The following TMEM132D variants were observed in gnomAD, a reference collection of about 807,000 sequenced individuals.
TMEM132D encodes mature OL transmembrane protein.
In TMEM132D, 21 loss-of-function variants were observed where a neutral mutation model predicts 62.3. That is an observed-to-expected ratio of 0.34 (90% confidence interval 0.24 to 0.49). The LOEUF is 0.49. Among genes scored for constraint, TMEM132D ranks in the 20% least tolerant of loss-of-function variants. The pLI, the probability that TMEM132D is intolerant of heterozygous loss-of-function variation, is 0.99. For missense variants in TMEM132D, 1,346 were observed against 1,402.8 expected, an observed-to-expected ratio of 0.96 and a Z score of 0.65; for synonymous variants, 621 against 575.6, an observed-to-expected ratio of 1.08 and a Z score of -1.13.
chr12:129,709,072 T>C (rs1881576079), intron 1 of TMEM132D, among the ~76,000 whole-genome samples: 1 of 152,222 alleles, frequency 6.6e-6, no homozygotes, highest in Middle Eastern at 3.2e-3. Context: ...CTCAGAGTGA[T>C]ATATTTTTTC....
chr12:129,760,568 G>T (rs1414706698), intron 1 of TMEM132D, among the ~76,000 whole-genome samples: 1 of 149,818 alleles, frequency 6.7e-6, no homozygotes, highest in African/African-American at 2.4e-5. Flanking sequence ...GGATAGTCTC[G>T]ATCTCCTGAG....
intron 1 of TMEM132D, among the ~76,000 whole-genome samples, chr12:129,702,210 A>G (rs1039832268): frequency 5.3e-5 from 8 of 152,344 alleles, no homozygotes; most frequent in African/African-American, 1.4e-4. Context: ...CTGAGCTTCC[A>G]TATAAACAAC....
intron 1 of TMEM132D, among the ~76,000 whole-genome samples, chr12:129,761,487 C>A (rs1047453886): frequency 1.3e-5 from 2 of 152,192 alleles, no homozygotes; most frequent in Non-Finnish European, 2.9e-5. Flanking sequence ...CCTCCCAGGC[C>A]TCTGAGGGCC....
intron 5 of TMEM132D, among the ~76,000 whole-genome samples, chr12:129,097,348 C>A (rs1177152739): frequency 6.6e-6 from 1 of 152,232 alleles, no homozygotes; most frequent in Non-Finnish European, 1.5e-5. Context: ...CATGACACAG[C>A]TTTTATGACT....
intron 1 of TMEM132D, among the ~76,000 whole-genome samples, chr12:129,763,374 G>A (rs569414727): frequency 8.0e-5 from 12 of 150,930 alleles, no homozygotes; most frequent in South Asian, 2.2e-4. Flanking sequence ...CACCATGCCC[G>A]ACCAAGAACT....
chr12:129,347,685 G>T (rs1044306457), intron 3 of TMEM132D, among the ~76,000 whole-genome samples: 9 of 152,094 alleles, frequency 5.9e-5, no homozygotes, highest in African/African-American at 2.2e-4. Context: ...AAAAGCAATG[G>T]CAACAAAAGA....
intron 3 of TMEM132D, among the ~76,000 whole-genome samples, chr12:129,519,629 G>A (rs1646848060): frequency 1.4e-5 from 2 of 147,742 alleles, no homozygotes; most frequent in Non-Finnish European, 3.0e-5. Context: ...TTTTCTTTGA[G>A]ATGGAGTCTT....
chr12:129,378,970 G>A (rs1010994194), intron 3 of TMEM132D, among the ~76,000 whole-genome samples: 3 of 151,318 alleles, frequency 2.0e-5, no homozygotes, highest in African/African-American at 7.4e-5. Flanking sequence ...CACTCAGGAA[G>A]GGGGGGACAC....
chr12:129,341,750 C>T (rs919968086), intron 3 of TMEM132D, among the ~76,000 whole-genome samples: 1 of 151,786 alleles, frequency 6.6e-6, no homozygotes, highest in Non-Finnish European at 1.5e-5. Context: ...AATCAATGTA[C>T]AAAAATCACA....
rs1049270113 is a variant in TMEM132D at position 129,867,316 on chromosome 12, C to T, written c.79+35945G>A. Among the ~76,000 whole-genome samples, 1 of 151,958 alleles carries T rather than the reference C, an allele frequency of 6.6e-6. No homozygotes were observed. Among genetic ancestry groups the T allele is most frequent in the African/African-American group, 2.4e-5 (1 of 41,374 alleles). On this transcript the variant is annotated intron_variant, in intron 1 of 8. Transcript: ENST00000422113. This position sits in a 1 kb window ranked among gnomAD's most constrained non-coding sequence, Gnocchi z 4.5. ...CATTTGCAACAATATATACATGACA[C>T]TGAAAGACACGAAGTTAAGTGAAAT...
At chr12:129,148,221 T>C (rs2135534043) in intron 5 of TMEM132D, among the ~76,000 whole-genome samples, 1 of 152,308 alleles carries the variant, frequency 6.6e-6, no homozygotes, top group East Asian at 1.9e-4. Flanking sequence ...CAGTATTTGC[T>C]TTTGACTAAG....
intron 1 of TMEM132D, among the ~76,000 whole-genome samples, chr12:129,705,012 G>A (rs1176826032): frequency 6.6e-6 from 1 of 152,196 alleles, no homozygotes; most frequent in Admixed American, 6.5e-5. Flanking sequence ...GGTTTCAGAT[G>A]CAATAACACA....
At chr12:129,706,267 G>A (rs915982377) in intron 1 of TMEM132D, among the ~76,000 whole-genome samples, 2 of 151,694 alleles carry the variant, frequency 1.3e-5, no homozygotes, top group African/African-American at 4.8e-5. Context: ...AGTTGACTGA[G>A]GTATTTTAAA....
chr12:129,399,542 T>C (rs960026268), intron 3 of TMEM132D, among the ~76,000 whole-genome samples: 3 of 152,022 alleles, frequency 2.0e-5, no homozygotes, highest in African/African-American at 7.2e-5. Flanking sequence ...CTCTCTACAC[T>C]GGTGCACTGG....
chr12:129,874,201 A>G (rs1370430871), intron 1 of TMEM132D, among the ~76,000 whole-genome samples: 2 of 152,216 alleles, frequency 1.3e-5, no homozygotes, highest in African/African-American at 2.4e-5. Context: ...AATGCATATG[A>G]TAAATAGCTT....
intron 3 of TMEM132D, among the ~76,000 whole-genome samples, chr12:129,513,652 T>C (rs372343604): frequency 6.7e-5 from 10 of 148,286 alleles, no homozygotes; most frequent in African/African-American, 2.5e-4. Context: ...GCCCGGATAA[T>C]TTTTTTGTAT....
chr12:129,245,454 C>T (rs12423524), intron 4 of TMEM132D, among the ~76,000 whole-genome samples: 41,919 of 152,020 alleles, frequency 0.28, 6,009 homozygotes, highest in African/African-American at 0.35. Flanking sequence ...ATTTCTTCAT[C>T]CATTAAGGGA....
intron 3 of TMEM132D, among the ~76,000 whole-genome samples, chr12:129,448,374 C>T (rs1593012971): frequency 1.3e-5 from 2 of 152,158 alleles, no homozygotes; most frequent in East Asian, 3.9e-4. Flanking sequence ...TCCCTCCTCC[C>T]ACCCTCCACC....
At chr12:129,284,280 T>C (rs1245058794) in intron 4 of TMEM132D, among the ~76,000 whole-genome samples, 1 of 152,250 alleles carries the variant, frequency 6.6e-6, no homozygotes, top group Non-Finnish European at 1.5e-5. Context: ...TTCGGTCTAA[T>C]ATAGTCCCCA....
Sources: gnomAD v4.1 joint callset for allele counts (sites outside exome capture counted in the v4.1 genomes callset) on GRCh38, gnomAD v4.1.1 for gene constraint, Gnocchi (gnomAD v3.1) non-coding constraint, MANE v1.5 for transcripts, NCBI Gene and HGNC (gene_info 2026-07-23, HGNC 2026-07-21) for gene names.